The following ANO10 variants were observed in gnomAD, a reference collection of about 807,000 sequenced individuals.
ANO10 encodes the protein anoctamin 10, also known as anoctamin-10.
A neutral mutation model predicts 74.7 loss-of-function variants in ANO10; 77 were observed. The observed-to-expected ratio is 1.03, with a 90% CI of 0.86 to 1.25. ANO10 has a LOEUF of 1.25. Among genes scored for constraint, ANO10 ranks in the 50% most tolerant of loss-of-function variants. The probability of loss-of-function intolerance (pLI) is 0.00; values close to 1 mark genes in which losing one functional copy is unlikely to be tolerated. For synonymous variants in ANO10, 279 were observed against 284.9 expected (o/e 0.98, Z 0.21); for missense variants, 721 against 778.1 (o/e 0.93, Z 0.87).
At chr3:43,684,138 C>T (rs2084241627) in intron 1 of ANO10, among the ~76,000 whole-genome samples, 1 of 152,028 alleles carries the variant, frequency 6.6e-6, no homozygotes. Context: ...TTAGAGTGAA[C>T]AGGCAACCCA....
rs2076459422 is a variant in ANO10, at chr3:43,485,801, T to C, written c.1798-53074A>G. 1.5e-5 allele frequency: 4 copies of C among 272,468 alleles called. No homozygotes were observed. The Admixed American group carries it at 1.9e-4, about 13-fold the overall frequency. 16.9% of individuals were successfully genotyped at this position (272,468 alleles called of 1,614,324 possible). A position where few individuals can be genotyped will look rare whatever the true frequency, so the allele number is the denominator to read the frequency against. On this transcript the variant is annotated intron_variant, in intron 11 of 12. Transcript: ENST00000292246. Reference sequence around the variant, plus strand: ...AGGCGCAAAGATTTGCATGTGGTAGTGGGGCAGTGTGTGGCATTCCGGGGT... The same window carrying C: ...AGGCGCAAAGATTTGCATGTGGTAGCGGGGCAGTGTGTGGCATTCCGGGGT...
At chr3:43,489,738 ATT>A (rs909478135) in intron 11 of ANO10, among the ~76,000 whole-genome samples, 20 of 152,140 alleles carry the variant, frequency 1.3e-4, no homozygotes, top group African/African-American at 4.6e-4. Flanking sequence ...AGAAAAAAAT[ATT>A]TCTCTTTTCT....
intron 10 of ANO10, among the ~76,000 whole-genome samples, chr3:43,552,574 T>A (rs2079516621): frequency 6.6e-6 from 1 of 151,446 alleles, no homozygotes; most frequent in African/African-American, 2.4e-5. Context: ...CATAATTCCT[T>A]AGTTAAGAGA....
intron 1 of ANO10, among the ~76,000 whole-genome samples, chr3:43,612,860 G>C (rs546887622): frequency 6.6e-6 from 1 of 152,052 alleles, no homozygotes; most frequent in Non-Finnish European, 1.5e-5. Context: ...CCTTCTAAGT[G>C]AATGTTGGAT....
At chr3:43,456,847 T>C (rs1316338266) in intron 11 of ANO10, among the ~76,000 whole-genome samples, 1 of 152,224 alleles carries the variant, frequency 6.6e-6, no homozygotes, top group Admixed American at 6.5e-5. Context: ...GAAAAGTGGA[T>C]AGCAGTGTTC....
At chr3:43,529,904 A>T (rs1232772433) in intron 11 of ANO10, among the ~76,000 whole-genome samples, 2 of 152,174 alleles carry the variant, frequency 1.3e-5, no homozygotes, top group Admixed American at 1.3e-4. Flanking sequence ...ACATAAAATA[A>T]TATGATAAAG....
intron 11 of ANO10, among the ~76,000 whole-genome samples, chr3:43,521,353 G>A (rs574439294): frequency 1.2e-4 from 18 of 152,270 alleles, no homozygotes; most frequent in Admixed American, 3.9e-4. Flanking sequence ...CTGCTGTCAA[G>A]CCTTTAATGG....
intron 1 of ANO10, chr3:43,689,534 C>G (rs2084323378): frequency 6.6e-6 from 1 of 152,124 alleles, no homozygotes; most frequent in African/African-American, 2.4e-5. Context: ...TGAATTAGAT[C>G]AAACACAATA....
chr3:43,454,231 T>C (rs1303103680), intron 11 of ANO10, among the ~76,000 whole-genome samples: 1 of 152,126 alleles, frequency 6.6e-6, no homozygotes, highest in Non-Finnish European at 1.5e-5. Context: ...CTGGAATGGA[T>C]TGCAAGAACG....
intron 9 of ANO10, among the ~76,000 whole-genome samples, 170 bp from the exon 10 acceptor site, chr3:43,555,639 C>G (rs2079709940): frequency 6.6e-6 from 1 of 152,126 alleles, no homozygotes; most frequent in African/African-American, 2.4e-5. Context: ...CATGATCATC[C>G]CACACACATG....
intron 11 of ANO10, among the ~76,000 whole-genome samples, chr3:43,433,338 T>A (rs2093019571): frequency 6.6e-6 from 1 of 152,132 alleles, no homozygotes; most frequent in South Asian, 2.1e-4. Context: ...TATTCTGAAG[T>A]CTTCCACAAA....
intron 11 of ANO10, among the ~76,000 whole-genome samples, chr3:43,545,503 TTA>T (rs1553707420): frequency 6.6e-6 from 1 of 152,104 alleles, no homozygotes; most frequent in Non-Finnish European, 1.5e-5. Context: ...GTAGCTGGGA[TTA>T]CAGGCACGCA....
At chr3:43,623,935 G>A (rs79488038), upstream of ANO10, among the ~76,000 whole-genome samples, 7,336 of 152,158 alleles carry the variant, frequency 0.048, 200 homozygotes, top group Non-Finnish European at 0.059. Flanking sequence ...TTTTTAAATT[G>A]TACTCTTCTT....
At position 43,588,431 on chromosome 3, in the gene ANO10, T is replaced by A. The variant is rs115003303; in HGVS notation, c.473-7959A>T. On this transcript the variant is annotated intron_variant, in intron 4 of 12. Transcript: ENST00000292246. ...GGGAAAAAAGATGGCATAGCCTATA[T>A]AAAAGATATTTTAAGCACACAAAAA... 4.7e-3 allele frequency among the ~76,000 whole-genome samples: 716 copies of A among 152,162 alleles called. 5 individuals carry two copies. Among genetic ancestry groups the A allele is most frequent in the African/African-American group, 0.017 (688 of 41,530 alleles).
chr3:43,549,426 C>T (rs2079352365), intron 11 of ANO10, among the ~76,000 whole-genome samples: 1 of 152,136 alleles, frequency 6.6e-6, no homozygotes, highest in African/African-American at 2.4e-5. Context: ...CAGACGTGAG[C>T]CATGGCACCT....
intron 11 of ANO10, among the ~76,000 whole-genome samples, chr3:43,483,653 G>C (rs2076355148): frequency 6.6e-6 from 1 of 152,226 alleles, no homozygotes; most frequent in African/African-American, 2.4e-5. Flanking sequence ...CCATGGCCCA[G>C]TGTTCAGTTT....
chr3:43,489,683 G>A (rs2076643852), intron 11 of ANO10, among the ~76,000 whole-genome samples: 1 of 152,080 alleles, frequency 6.6e-6, no homozygotes. Context: ...CATTTCAGGT[G>A]CTCAGAACAT....
intron 11 of ANO10, among the ~76,000 whole-genome samples, chr3:43,445,286 C>A (rs1575829666): frequency 6.6e-6 from 1 of 152,136 alleles, no homozygotes; most frequent in South Asian, 2.1e-4. Context: ...CTAAGGAAAT[C>A]TGAATAAAGC....
chr3:43,420,715 TTCAAAG>T (rs1345037222), intron 12 of ANO10, among the ~76,000 whole-genome samples: 2 of 152,080 alleles, frequency 1.3e-5, no homozygotes, highest in Non-Finnish European at 2.9e-5. Flanking sequence ...ACAGGATAAT[TTCAAAG>T]TCAAAGGATT....
Sources: allele counts gnomAD v4.1 joint callset (sites outside exome capture counted in the v4.1 genomes callset), GRCh38; gene constraint gnomAD v4.1.1; transcripts MANE v1.5; gene names NCBI Gene and HGNC (gene_info 2026-07-23, HGNC 2026-07-21).